Variants in ARHGAP22 observed in about 807,000 individuals in gnomAD.
ARHGAP22 encodes Rho GTPase activating protein 22.
A neutral mutation model predicts 59.1 loss-of-function variants in ARHGAP22; 48 were observed. The ratio of observed to expected loss-of-function variants is 0.81; its 90% CI spans 0.64 to 1.03. The LOEUF is 1.03. Ranked by LOEUF, ARHGAP22 falls within the 50% of genes least tolerant of loss-of-function variation. The pLI is 0.00. For missense variants in ARHGAP22, 1,015 were observed against 958.7 expected, an observed-to-expected ratio of 1.06 and a Z score of -0.78; for synonymous variants, 445 against 416.4, an observed-to-expected ratio of 1.07 and a Z score of -0.84.
chr10:48,475,349 C>A (rs1435846400), intron 4 of ARHGAP22, among the ~76,000 whole-genome samples: 1 of 152,150 alleles, frequency 6.6e-6, no homozygotes, highest in Admixed American at 6.6e-5. Context: ...GACTTCAAAC[C>A]CCATCTATGT....
At chr10:48,619,534 C>G (rs1034424540) in intron 1 of ARHGAP22, among the ~76,000 whole-genome samples, 1 of 152,156 alleles carries the variant, frequency 6.6e-6, no homozygotes, top group African/African-American at 2.4e-5. Context: ...AGAAATAAAT[C>G]CACAGATTTA....
chr10:48,534,528 T>A (rs777851183), intron 3 of ARHGAP22, among the ~76,000 whole-genome samples: 4 of 152,174 alleles, frequency 2.6e-5, no homozygotes, highest in Non-Finnish European at 5.9e-5. Flanking sequence ...TGTGATGACA[T>A]CAGACCCTAC....
chr10:48,472,681 A>C (rs2048342538), intron 4 of ARHGAP22, among the ~76,000 whole-genome samples: 2 of 152,154 alleles, frequency 1.3e-5, no homozygotes, highest in Non-Finnish European at 2.9e-5. Flanking sequence ...AGACCACATC[A>C]GATGTTCTGC....
intron 1 of ARHGAP22, among the ~76,000 whole-genome samples, chr10:48,622,758 A>G (rs2136041923): frequency 6.6e-6 from 1 of 152,300 alleles, no homozygotes; most frequent in African/African-American, 2.4e-5. Context: ...ATTAAATGAG[A>G]TCAAGAATTT....
intron 1 of ARHGAP22, among the ~76,000 whole-genome samples, chr10:48,646,943 T>C (rs1239884080): frequency 6.6e-6 from 1 of 152,088 alleles, no homozygotes; most frequent in African/African-American, 2.4e-5. Flanking sequence ...TTAAGAAAAT[T>C]AAAAGTCAAG....
At chr10:48,652,030 C>T (rs1352399608) in intron 1 of ARHGAP22, among the ~76,000 whole-genome samples, 1 of 152,148 alleles carries the variant, frequency 6.6e-6, no homozygotes, top group East Asian at 1.9e-4. Context: ...TTCAGGCAGA[C>T]ACAGAGCAGC....
intron 1 of ARHGAP22, among the ~76,000 whole-genome samples, chr10:48,651,672 C>T (rs951197569): frequency 1.3e-5 from 2 of 152,296 alleles, no homozygotes; most frequent in East Asian, 3.9e-4. Flanking sequence ...CCAGCGAGCA[C>T]CTGCCTGTGA....
chr10:48,524,104 T>G (rs1430323060), intron 3 of ARHGAP22: 10 of 1,355,554 alleles, frequency 7.4e-6, no homozygotes, highest in Non-Finnish European at 9.5e-6. Flanking sequence ...CACAGCCCCA[T>G]GGCAGCCGCC....
At chr10:48,639,194 G>A (rs1437670091) in intron 1 of ARHGAP22, among the ~76,000 whole-genome samples, 1 of 152,198 alleles carries the variant, frequency 6.6e-6, no homozygotes, top group African/African-American at 2.4e-5. Flanking sequence ...GTCCAAAGTT[G>A]CTTATTCAAT....
chr10:48,550,675 A>G (rs2056829806), intron 3 of ARHGAP22, among the ~76,000 whole-genome samples: 2 of 152,222 alleles, frequency 1.3e-5, no homozygotes. Flanking sequence ...ACAAGTGTTC[A>G]TTTTTGACTT....
intron 1 of ARHGAP22, among the ~76,000 whole-genome samples, chr10:48,591,035 T>A (rs1317242621): frequency 6.6e-6 from 1 of 152,218 alleles, no homozygotes; most frequent in Non-Finnish European, 1.5e-5. Flanking sequence ...ATTGCTCTTA[T>A]GTGGCAGAGC....
rs149499698 is a variant in ARHGAP22, at chr10:48,557,225, C to T, written c.235-1675G>A. ...CTCATTAGAGGGTGTGGGTGAGATC[C>T]ATCACTGGCTAACGGGATGCATCTT... On this transcript the variant is annotated intron_variant, in intron 2 of 9. Transcript: ENST00000249601. 3.7e-3 allele frequency among the ~76,000 whole-genome samples: 565 copies of T among 152,196 alleles called. 6 individuals are homozygous for T. The highest frequency in any genetic ancestry group is 0.013 in the African/African-American group (544 of 41,514).
intron 4 of ARHGAP22, among the ~76,000 whole-genome samples, chr10:48,463,931 G>A (rs1008000294): frequency 6.6e-6 from 1 of 152,208 alleles, no homozygotes; most frequent in Non-Finnish European, 1.5e-5. Flanking sequence ...CCACAGTCAA[G>A]GAAGAGATAC....
upstream of ARHGAP22, among the ~76,000 whole-genome samples, chr10:48,652,772 G>A (rs981283248): frequency 6.6e-6 from 1 of 152,158 alleles, no homozygotes; most frequent in Non-Finnish European, 1.5e-5. Flanking sequence ...GTGACTTCCA[G>A]GATGCATTTA....
intron 3 of ARHGAP22, among the ~76,000 whole-genome samples, chr10:48,480,560 C>T (rs1295659359): frequency 6.6e-6 from 1 of 152,206 alleles, no homozygotes; most frequent in Admixed American, 6.5e-5. Context: ...GACCTGTGTT[C>T]CCATGGGGTG....
rs553835954 is a variant in ARHGAP22 at position 48,539,290 on chromosome 10, C to CTTTTTTTTTTTTTTTTTTTTTTTTT, written c.322+16172_322+16173insAAAAAAAAAAAAAAAAAAAAAAAAA. ...CTAACAATTAGTATGAGAAGGGTAA[C>CTTTTTTTTTTTTTTTTTTTTTTTTT]ATTTTTTTTTTTTTTTTTTGAGACG... On this transcript the variant is annotated intron_variant, in intron 3 of 9. Coordinates refer to ENST00000249601, the MANE Select transcript of ARHGAP22 (RefSeq NM_021226.4). Among the ~76,000 whole-genome samples the CTTTTTTTTTTTTTTTTTTTTTTTTT allele has an allele frequency of 3.1e-5, 4 of 129,306 alleles. 1 individual carries two copies. The highest frequency in any genetic ancestry group is 3.1e-5 in the African/African-American group (1 of 31,954). 84.8% of individuals were successfully genotyped at this position (129,306 alleles called of 152,430 possible). A position where few individuals can be genotyped will look rare whatever the true frequency, so the allele number is the denominator to read the frequency against.
At chr10:48,587,215 A>G (rs3851550) in intron 1 of ARHGAP22, among the ~76,000 whole-genome samples, 147,437 of 152,278 alleles carry the variant, frequency 0.97, 71,542 homozygotes, top group East Asian at 1. Context: ...TCAAGCCAGC[A>G]AGGGGTTGAG....
In ARHGAP22 at chr10:48,446,412, T is replaced by C. The variant is rs766837351; in HGVS notation, c.2076A>G (p.Lys692=). The stretch of plus-strand genomic sequence containing the variant: ...CCTTTTACTTTGGGGCCCTGGCACC[T>C]TTTGCCCCAACAGTCAAGCTTCCTA... The part of the protein sequence containing the change: ...STLGSLTVGA[K]GARAPK Residue 692 remains lysine, a synonymous_variant, in exon 10 of 10, where the codon AAA becomes AAG. Coordinates refer to ENST00000249601, the MANE Select transcript of ARHGAP22 (RefSeq NM_021226.4). The C allele has an allele frequency of 1.2e-6, 2 of 1,613,946 alleles. No homozygotes were observed. The highest frequency in any genetic ancestry group is 2.7e-5 in the African/African-American group (2 of 74,898).
intron 2 of ARHGAP22, among the ~76,000 whole-genome samples, chr10:48,571,324 A>G (rs566079617): frequency 4.4e-4 from 67 of 152,342 alleles, no homozygotes; most frequent in African/African-American, 1.6e-3. Flanking sequence ...ATAAGGATTC[A>G]GAGCTTCATA....
Sources: gnomAD v4.1 joint callset for allele counts (sites outside exome capture counted in the v4.1 genomes callset) on GRCh38, gnomAD v4.1.1 for gene constraint, MANE v1.5 for transcripts, NCBI Gene and HGNC (gene_info 2026-07-23, HGNC 2026-07-21) for gene names.